EDAR: variants seen among roughly 807,000 people sequenced by gnomAD.
EDAR encodes the protein tumor necrosis factor receptor superfamily member EDAR.
A neutral mutation model predicts 51.3 loss-of-function variants in EDAR; 38 were observed. The observed-to-expected ratio is 0.74, with a 90% CI of 0.57 to 0.97. The LOEUF is 0.97. Among genes scored for constraint, EDAR ranks in the 50% least tolerant of loss-of-function variants. The pLI is 0.00. For missense variants in EDAR, 528 were observed against 595.0 expected, an observed-to-expected ratio of 0.89 and a Z score of 1.17; for synonymous variants, 227 against 242.1, an observed-to-expected ratio of 0.94 and a Z score of 0.58.
intron 5 of EDAR, 83 bp downstream of exon 5, chr2:108,923,285 A>T: frequency 7.5e-7 from 1 of 1,336,294 alleles, no homozygotes; most frequent in Non-Finnish European, 1.1e-6. Context: ...AGGTGCCAGG[A>T]CCGGCTCTTT....
chr2:108,987,471 A>G (rs1698517022), intron 1 of EDAR, among the ~76,000 whole-genome samples: 1 of 152,358 alleles, frequency 6.6e-6, no homozygotes, highest in East Asian at 1.9e-4. Flanking sequence ...AACAAAGATG[A>G]GCCCCTGACA....
intron 5 of EDAR, among the ~76,000 whole-genome samples, chr2:108,918,834 G>T (rs910734682): frequency 1.3e-5 from 2 of 151,974 alleles, no homozygotes; most frequent in Admixed American, 1.3e-4. Context: ...CTCTGCAGAG[G>T]GTAAAAGATT....
At chr2:108,987,587 A>T (rs907675634) in intron 1 of EDAR, among the ~76,000 whole-genome samples, 10 of 152,234 alleles carry the variant, frequency 6.6e-5, no homozygotes, top group Admixed American at 5.2e-4. Context: ...TTTCAGGGAA[A>T]GTGTATTTAC....
rs1489418414 is a variant in EDAR at position 108,906,242 on chromosome 2, T to G, written c.1024+66A>C. On this transcript the variant is annotated intron_variant, in intron 11 of 11. Transcript: ENST00000258443. The stretch of plus-strand genomic sequence containing the variant: ...GTTCCCCTCACAGGAGCCTCAGGGC[T>G]CCGGGCCCAGCCCTTCATGTCGGTG... 3.2e-6 allele frequency: 5 copies of G among 1,572,838 alleles called. No homozygotes were observed. The African/African-American group carries it at 5.4e-5, about 17-fold the overall frequency.
At chr2:108,964,123 G>A (rs1240681095) in intron 1 of EDAR, among the ~76,000 whole-genome samples, 1 of 152,188 alleles carries the variant, frequency 6.6e-6, no homozygotes, top group Non-Finnish European at 1.5e-5. Flanking sequence ...TATGGCTGTG[G>A]CTACCCCACT....
chr2:108,988,133 C>A (rs1698528554), intron 1 of EDAR, among the ~76,000 whole-genome samples: 1 of 152,206 alleles, frequency 6.6e-6, no homozygotes. Context: ...TGCCCACTGA[C>A]CGGCATCTGC....
At chr2:108,948,204 A>C (rs1697751080) in intron 1 of EDAR, among the ~76,000 whole-genome samples, 1 of 152,210 alleles carries the variant, frequency 6.6e-6, no homozygotes, top group Admixed American at 6.5e-5. Context: ...TTCAGTTCCC[A>C]ATAAGTCCCT....
chr2:108,911,102 C>G (rs759449643), intron 6 of EDAR, 30 bp from the exon 7 acceptor site: 1 of 1,613,764 alleles, frequency 6.2e-7, no homozygotes, highest in Non-Finnish European at 8.5e-7. Context: ...ATGAATGACC[C>G]AGAGCTCAGG....
chr2:108,941,991 C>T (rs1212054728), intron 1 of EDAR, among the ~76,000 whole-genome samples: 1 of 152,194 alleles, frequency 6.6e-6, no homozygotes, highest in East Asian at 1.9e-4. Flanking sequence ...AAGGTGGCTG[C>T]CTTTCAGGTG....
intron 1 of EDAR, among the ~76,000 whole-genome samples, chr2:108,982,336 C>T (rs1698433676): frequency 6.6e-6 from 1 of 152,222 alleles, no homozygotes; most frequent in Non-Finnish European, 1.5e-5. Context: ...CTCAGACCCT[C>T]CCTGGTGGGA....
At chr2:108,961,192 C>A (rs1208771729) in intron 1 of EDAR, among the ~76,000 whole-genome samples, 1 of 152,074 alleles carries the variant, frequency 6.6e-6, no homozygotes, top group Non-Finnish European at 1.5e-5. Context: ...GAGGCCCAGA[C>A]AGAAAAAGAA....
intron 1 of EDAR, among the ~76,000 whole-genome samples, chr2:108,974,153 C>T (rs1698282125): frequency 2.0e-5 from 3 of 150,686 alleles, no homozygotes; most frequent in South Asian, 4.2e-4. Context: ...CATGGTGAAA[C>T]CCCGTCTCTA....
At chr2:108,943,669 G>A (rs1295844733) in intron 1 of EDAR, among the ~76,000 whole-genome samples, 1 of 152,178 alleles carries the variant, frequency 6.6e-6, no homozygotes, top group East Asian at 1.9e-4. Context: ...GTGGCCTGGT[G>A]TGTTGAGTAA....
At chr2:108,934,764 G>A (rs1387062960) in intron 1 of EDAR, among the ~76,000 whole-genome samples, 1 of 152,210 alleles carries the variant, frequency 6.6e-6, no homozygotes, top group African/African-American at 2.4e-5. Context: ...AGTCATTCAT[G>A]AGGGCAGAGC....
chr2:108,897,029 G>T lies in EDAR; in HGVS notation c.1225C>A (p.Pro409Thr). ...DRISTAGYSI[P>T]ELLTKLVQIE... ...TGCACCAGTTTTGTGAGTAGCTCAG[G>T]GATGCTGTAGCCTGCCGTGCTGATG... The change falls in exon 12 of 12, where the codon CCT becomes ACT. Residue 409 changes from proline (P) to threonine (T), a missense_variant. Transcript: ENST00000258443. 3 of 1,614,070 alleles carry T rather than the reference G, an allele frequency of 1.9e-6. No individual in the cohort carries two copies. The South Asian group carries it at 3.3e-5, about 18-fold the overall frequency.
chr2:108,929,400 G>A, intron 3 of EDAR, 21 bp from the exon 4 acceptor site: 6 of 1,613,664 alleles, frequency 3.7e-6, no homozygotes, highest in Non-Finnish European at 5.1e-6. Flanking sequence ...AAAGAGGACA[G>A]GGGACACAGG....
chr2:108,901,830 G>A (rs116236581), intron 11 of EDAR, among the ~76,000 whole-genome samples: 4,364 of 152,290 alleles, frequency 0.029, 196 homozygotes, highest in African/African-American at 0.1. Context: ...CTAGCCAAAC[G>A]CGGTGGCTCA....
chr2:108,932,956 G>A (rs926897449), intron 1 of EDAR, among the ~76,000 whole-genome samples: 3 of 152,116 alleles, frequency 2.0e-5, no homozygotes, highest in Admixed American at 1.3e-4. Context: ...CCTGCCTCCC[G>A]AGTACAACAG....
chr2:108,959,674 G>A (rs145495378), intron 1 of EDAR, among the ~76,000 whole-genome samples: 160 of 152,240 alleles, frequency 1.1e-3, no homozygotes, highest in African/African-American at 3.3e-3. Context: ...CTGGATGCCC[G>A]GTGAATGGCT....
Sources: gnomAD v4.1 joint callset for allele counts (sites outside exome capture counted in the v4.1 genomes callset) on GRCh38, gnomAD v4.1.1 for gene constraint, MANE v1.5 for transcripts, NCBI Gene and HGNC (gene_info 2026-07-23, HGNC 2026-07-21) for gene names.